The following LIN9 variants were observed in gnomAD, a reference collection of about 807,000 sequenced individuals.
LIN9 encodes lin-9 DREAM MuvB core complex component.
LIN9 carries 18 observed loss-of-function variants against 78.0 expected under a neutral mutation model. That is an observed-to-expected ratio of 0.23 (90% CI 0.16 to 0.34). LIN9 has a LOEUF of 0.34. Ranked by LOEUF, LIN9 falls within the 10% of genes least tolerant of loss-of-function variation. LIN9 has a pLI of 1.00. For synonymous variants in LIN9, 192 were observed against 215.2 expected (o/e 0.89, Z 0.94); for missense variants, 451 against 644.1 (o/e 0.70, Z 3.25).
At chr1:226,276,861 G>C (rs1361579883) in intron 7 of LIN9, among the ~76,000 whole-genome samples, 2 of 151,874 alleles carry the variant, frequency 1.3e-5, no homozygotes, top group Non-Finnish European at 2.9e-5. Flanking sequence ...CTATAAAACG[G>C]ACAAAATTTA....
rs539744561 is a variant in LIN9, at chr1:226,267,885, G to A, written c.816+72C>T. The A allele has an allele frequency of 2.8e-5, 40 of 1,437,558 alleles. No individual in the cohort carries two copies. In the African/African-American group the frequency reaches 3.1e-4, roughly 11 times the overall value. The allele number at this position is 1,437,558 out of a possible 1,614,324, so 89.1% of individuals were successfully genotyped here. On this transcript the variant is annotated intron_variant, in intron 8 of 14. Transcript: ENST00000681046. Reference sequence around the variant, plus strand: ...AAGTCTTGATTCTATCATAAAATACGATTTCTAAAAAAACTCTATATAACA... The same window carrying A: ...AAGTCTTGATTCTATCATAAAATACAATTTCTAAAAAAACTCTATATAACA...
At chr1:226,264,603 T>C (rs1304767390) in intron 10 of LIN9, among the ~76,000 whole-genome samples, 1 of 152,132 alleles carries the variant, frequency 6.6e-6, no homozygotes. Flanking sequence ...CCCAGCACTT[T>C]GGGAGGCCAA....
rs555273432 is a variant in LIN9, at chr1:226,287,589, G to A, written c.398+75C>T. The A allele has an allele frequency of 3.0e-6, 3 of 995,710 alleles. No individual in the cohort carries two copies. In the South Asian group the frequency reaches 5.1e-5, roughly 17 times the overall value. 61.7% of individuals were successfully genotyped at this position (995,710 alleles called of 1,614,324 possible). A position where few individuals can be genotyped will look rare whatever the true frequency, so the allele number is the denominator to read the frequency against. On this transcript the variant is annotated intron_variant, in intron 5 of 14. Coordinates refer to ENST00000681046, the MANE Select transcript of LIN9 (RefSeq NM_001366245.2). ...AGATCAAAGTAGACCTATAGAAAAT[G>A]TTGTAGCTTAAAACACTTGAAAAAC... is the stretch of plus-strand genomic sequence containing the variant.
intron 7 of LIN9, among the ~76,000 whole-genome samples, chr1:226,272,965 A>AC (rs1446227500): frequency 1.3e-5 from 2 of 151,554 alleles, no homozygotes; most frequent in Non-Finnish European, 2.9e-5. Flanking sequence ...GGACATCATC[A>AC]CCCCCACGAC....
upstream of LIN9, chr1:226,309,726 G>C (rs1316449834): frequency 6.2e-6 from 8 of 1,287,850 alleles, no homozygotes; most frequent in Non-Finnish European, 3.0e-6. Context: ...CCGGGACTCG[G>C]TCCCAGCGGC....
At chr1:226,293,493 C>T (rs1272052764) in intron 4 of LIN9, among the ~76,000 whole-genome samples, 1 of 152,218 alleles carries the variant, frequency 6.6e-6, no homozygotes, top group Admixed American at 6.5e-5. Context: ...CTTGTTCATT[C>T]AACCTTGTAT....
At chr1:226,278,039 CT>C (rs1370055406) in intron 6 of LIN9, 107 bp from the exon 7 acceptor site, 2 of 891,318 alleles carry the variant, frequency 2.2e-6, no homozygotes, top group African/African-American at 3.4e-5. Flanking sequence ...GTCATCCAGG[CT>C]GGAGTGCAGT....
At chr1:226,287,860 C>A in intron 4 of LIN9, 63 bp from the exon 5 acceptor site, 1 of 1,240,310 alleles carries the variant, frequency 8.1e-7, no homozygotes, top group Non-Finnish European at 1.1e-6. Flanking sequence ...CATTTATAAC[C>A]CTGAATAAAT....
chr1:226,233,979 T>C (rs2169567), intron 12 of LIN9, among the ~76,000 whole-genome samples: 107,222 of 152,068 alleles, frequency 0.71, 37,926 homozygotes, highest in East Asian at 0.75. Context: ...GTGGGTTTGT[T>C]TGTTTCCTTA....
chr1:226,241,257 G>C (rs781368213), intron 11 of LIN9, among the ~76,000 whole-genome samples: 4 of 152,188 alleles, frequency 2.6e-5, no homozygotes, highest in Non-Finnish European at 4.4e-5. Context: ...AGGACATGCT[G>C]AATTTAATTT....
chr1:226,272,046 CTTAACTTTT>C (rs1660311162), intron 7 of LIN9, among the ~76,000 whole-genome samples: 1 of 142,466 alleles, frequency 7.0e-6, no homozygotes, highest in African/African-American at 2.7e-5. Flanking sequence ...TTCTCATTAT[CTTAACTTTT>C]TTTTTTTTTT....
At chr1:226,293,868 T>C (rs181151552) in intron 4 of LIN9, among the ~76,000 whole-genome samples, 30 of 152,364 alleles carry the variant, frequency 2.0e-4, no homozygotes, top group Admixed American at 1.8e-3. Flanking sequence ...CACTTGTCCT[T>C]GACAACTTTT....
chr1:226,233,747 G>C (rs1399647096), intron 12 of LIN9, among the ~76,000 whole-genome samples: 1 of 151,896 alleles, frequency 6.6e-6, no homozygotes, highest in Non-Finnish European at 1.5e-5. Flanking sequence ...AAAGTTAAAA[G>C]AATAAAACAA....
chr1:226,287,861 C>T, intron 4 of LIN9, 64 bp from the exon 5 acceptor site: 2 of 1,235,948 alleles, frequency 1.6e-6, no homozygotes, highest in Non-Finnish European at 2.2e-6. Context: ...ATTTATAACC[C>T]TGAATAAATT....
intron 10 of LIN9, among the ~76,000 whole-genome samples, chr1:226,261,675 T>C (rs987353182): frequency 6.6e-6 from 1 of 152,198 alleles, no homozygotes; most frequent in East Asian, 1.9e-4. Flanking sequence ...GACACAACAC[T>C]GTCAAGATAC....
intron 10 of LIN9, among the ~76,000 whole-genome samples, chr1:226,253,654 G>A (rs1404291217): frequency 1.3e-5 from 2 of 151,534 alleles, no homozygotes; most frequent in African/African-American, 2.4e-5. Flanking sequence ...GGTGGCTCAC[G>A]CCTGTAATCC....
chr1:226,309,114 T>C lies in LIN9; in HGVS notation c.26A>G (p.Asp9Gly). The change falls in exon 1 of 15, where the codon GAC becomes GGC. Residue 9 changes from aspartate to glycine, a missense_variant. Coordinates refer to ENST00000681046, the MANE Select transcript of LIN9 (RefSeq NM_001366245.2). ...TGCTTTGAGGTGCTACTCACTCTCG[T>C]CAGGCAACTGGTCGAGCTCCGCCAT... MAELDQLP[D>G]ESSSAKALVS... The C allele has an allele frequency of 1.1e-5, 15 of 1,337,876 alleles. No individual in the cohort carries two copies. Among genetic ancestry groups the C allele is most frequent in the Non-Finnish European group, 1.5e-5 (15 of 1,032,290 alleles). 82.9% of individuals were successfully genotyped at this position (1,337,876 alleles called of 1,614,324 possible).
At chr1:226,299,030 A>T (rs781420665) in intron 2 of LIN9, among the ~76,000 whole-genome samples, 1 of 152,246 alleles carries the variant, frequency 6.6e-6, no homozygotes, top group Non-Finnish European at 1.5e-5. Context: ...TATAATGATT[A>T]GACATATTGT....
intron 4 of LIN9, 27 bp downstream of exon 4, chr1:226,295,815 T>C (rs765076173): frequency 4.9e-5 from 72 of 1,456,402 alleles, no homozygotes; most frequent in Middle Eastern, 3.5e-4. Flanking sequence ...TCCTTTCCAA[T>C]GAAACAAAAT....
Sources: allele counts gnomAD v4.1 joint callset (sites outside exome capture counted in the v4.1 genomes callset), GRCh38; gene constraint gnomAD v4.1.1; transcripts MANE v1.5; gene names NCBI Gene and HGNC (gene_info 2026-07-23, HGNC 2026-07-21).